ARHGAP10: variants seen among roughly 807,000 people sequenced by gnomAD.
ARHGAP10 encodes rho GTPase-activating protein 10.
ARHGAP10 carries 87 observed loss-of-function variants against 108.6 expected under a neutral mutation model. That is an observed-to-expected ratio of 0.80 (90% CI 0.67 to 0.96). The LOEUF is 0.96. Ranked by LOEUF, ARHGAP10 falls within the 40% of genes least tolerant of loss-of-function variation. The pLI is 0.00. For synonymous variants in ARHGAP10, 347 were observed against 341.1 expected, an observed-to-expected ratio of 1.02 and a Z score of -0.19; for missense variants, 939 against 954.5, an observed-to-expected ratio of 0.98 and a Z score of 0.21.
At chr4:147,736,699 C>T (rs2126674324) in intron 1 of ARHGAP10, among the ~76,000 whole-genome samples, 1 of 152,304 alleles carries the variant, frequency 6.6e-6, no homozygotes, top group African/African-American at 2.4e-5. Context: ...ATTAATCTAA[C>T]TCAGTGGTTC....
intron 20 of ARHGAP10, 122 bp from the exon 21 acceptor site, chr4:148,063,026 T>C (rs1425249582): frequency 1.6e-6 from 2 of 1,227,262 alleles, no homozygotes; most frequent in Non-Finnish European, 2.3e-6. Context: ...GAGGACTCTG[T>C]CCCTACTGGT....
chr4:148,043,017 C>T (rs955622152), intron 19 of ARHGAP10, among the ~76,000 whole-genome samples: 7 of 152,140 alleles, frequency 4.6e-5, no homozygotes, highest in African/African-American at 1.7e-4. Context: ...TTTGTGTTCT[C>T]TAAGGCTTCC....
chr4:147,801,388 T>A (rs1731576196), intron 1 of ARHGAP10, among the ~76,000 whole-genome samples: 1 of 152,210 alleles, frequency 6.6e-6, no homozygotes, highest in Admixed American at 6.5e-5. Flanking sequence ...GAACCATTGC[T>A]GTGCTGTAAT....
intron 1 of ARHGAP10, among the ~76,000 whole-genome samples, chr4:147,791,873 T>C (rs1236711018): frequency 6.6e-6 from 1 of 152,182 alleles, no homozygotes; most frequent in Non-Finnish European, 1.5e-5. Context: ...GCATGAGCCA[T>C]CGTGCCCAGC....
At chr4:147,870,659 G>A (rs1182685203) in intron 7 of ARHGAP10, among the ~76,000 whole-genome samples, 1 of 151,600 alleles carries the variant, frequency 6.6e-6, no homozygotes, top group Non-Finnish European at 1.5e-5. Flanking sequence ...TAGGAAATGG[G>A]TTTTCCAGAA....
chr4:147,839,122 A>ATCTGTCTGTCTG (rs1234013211), intron 3 of ARHGAP10, among the ~76,000 whole-genome samples: 9 of 148,202 alleles, frequency 6.1e-5, no homozygotes, highest in African/African-American at 2.2e-4. Flanking sequence ...CTATCTATCT[A>ATCTGTCTGTCTG]TCTATCTATC....
At chr4:147,871,665 A>G (rs1411954691) in intron 7 of ARHGAP10, among the ~76,000 whole-genome samples, 1 of 152,208 alleles carries the variant, frequency 6.6e-6, no homozygotes, top group Non-Finnish European at 1.5e-5. Context: ...TACCTATTGT[A>G]ACGTTTGGGG....
intron 5 of ARHGAP10, chr4:147,861,005 ATC>A (rs527518338): frequency 2.0e-4 from 30 of 152,292 alleles, no homozygotes; most frequent in African/African-American, 6.3e-4. Flanking sequence ...CCAGCCAGAA[ATC>A]TCTGTGTCTG....
In ARHGAP10 at chr4:147,732,199, T is replaced by C; in HGVS notation, c.-103T>C. The C allele has an allele frequency of 1.6e-6, 2 of 1,257,362 alleles. No homozygotes were observed. The highest frequency in any genetic ancestry group is 2.1e-6 in the Non-Finnish European group (2 of 964,320). 77.9% of individuals were successfully genotyped at this position (1,257,362 alleles called of 1,614,324 possible). On this transcript the variant is annotated 5_prime_UTR_variant, in exon 1 of 23. Coordinates refer to ENST00000336498, the MANE Select transcript of ARHGAP10 (RefSeq NM_024605.4). ...CCGCGCGCCCGGGCCTGCTAGCTCC[T>C]CTGTGCTCCCTGAACGCGCGGCGCC... is the stretch of plus-strand genomic sequence containing the variant.
chr4:148,007,326 G>A (rs1740989765), intron 18 of ARHGAP10, among the ~76,000 whole-genome samples: 1 of 152,164 alleles, frequency 6.6e-6, no homozygotes, highest in African/African-American at 2.4e-5. Context: ...CCATTGGCAT[G>A]TTCACATGGT....
At chr4:148,021,267 C>G (rs1465319978) in intron 18 of ARHGAP10, among the ~76,000 whole-genome samples, 1 of 152,084 alleles carries the variant, frequency 6.6e-6, no homozygotes, top group Admixed American at 6.5e-5. Context: ...CACCTCACCC[C>G]CCACACCCTT....
chr4:147,854,718 A>G (rs570418249), intron 4 of ARHGAP10: 1 of 984,230 alleles, frequency 1.0e-6, no homozygotes, highest in Non-Finnish European at 1.2e-6. Context: ...AATACTCTAT[A>G]ATGACATTAA....
At chr4:147,957,970 G>A (rs149706344) in intron 16 of ARHGAP10, among the ~76,000 whole-genome samples, 4 of 152,200 alleles carry the variant, frequency 2.6e-5, no homozygotes, top group African/African-American at 7.2e-5. Flanking sequence ...AACTTTCTCC[G>A]TTAGCTGAAT....
chr4:147,956,602 A>G (rs1433438464), intron 16 of ARHGAP10, among the ~76,000 whole-genome samples: 2 of 152,132 alleles, frequency 1.3e-5, no homozygotes, highest in Non-Finnish European at 2.9e-5. Context: ...CAAACTGGGG[A>G]AAGAGAAATT....
intron 13 of ARHGAP10, among the ~76,000 whole-genome samples, chr4:147,925,712 T>C (rs1346633983): frequency 6.6e-6 from 1 of 152,210 alleles, no homozygotes; most frequent in Non-Finnish European, 1.5e-5. Context: ...TAACCAGTTA[T>C]CCTGCATAGT....
chr4:148,034,568 G>A (rs1728291156), intron 19 of ARHGAP10, among the ~76,000 whole-genome samples: 1 of 151,880 alleles, frequency 6.6e-6, no homozygotes, highest in East Asian at 1.9e-4. Flanking sequence ...ACCTCAGGTG[G>A]TCCACACACT....
Position 147,855,682 on chromosome 4 carries a change from G to GTT in ARHGAP10, c.385-1850_385-1849dup, listed in dbSNP as rs566406361. The stretch of plus-strand genomic sequence containing the variant: ...AACTTAGGTTCTATATTGTCAGATG[G>GTT]TTTTTTTTTTTTTTTTTTTTTTAAG... On this transcript the variant is annotated intron_variant, in intron 4 of 22. Transcript: ENST00000336498. 3.5e-3 allele frequency among the ~76,000 whole-genome samples: 442 copies of GTT among 124,724 alleles called. 4 individuals carry two copies. Among genetic ancestry groups the GTT allele is most frequent in the African/African-American group, 0.011 (362 of 32,924 alleles). 81.8% of individuals were successfully genotyped at this position (124,724 alleles called of 152,430 possible).
intron 1 of ARHGAP10, among the ~76,000 whole-genome samples, chr4:147,773,726 AT>A (rs1214787810): frequency 6.6e-6 from 1 of 152,214 alleles, no homozygotes; most frequent in Non-Finnish European, 1.5e-5. Flanking sequence ...ATGATAGGGA[AT>A]CCCTATGGGG....
chr4:147,989,333 C>T (rs1740173868), intron 18 of ARHGAP10, among the ~76,000 whole-genome samples: 1 of 152,236 alleles, frequency 6.6e-6, no homozygotes, highest in African/African-American at 2.4e-5. Context: ...GTTTTGGGCA[C>T]CATTGTCATT....
Sources: gnomAD v4.1 joint callset for allele counts (sites outside exome capture counted in the v4.1 genomes callset) on GRCh38, gnomAD v4.1.1 for gene constraint, MANE v1.5 for transcripts, NCBI Gene and HGNC (gene_info 2026-07-23, HGNC 2026-07-21) for gene names.